SYT1: variants seen among roughly 807,000 people sequenced by gnomAD.
SYT1 encodes synaptotagmin-1.
Under a neutral mutation model 44.8 loss-of-function variants are expected in SYT1, and 8 were observed. That is an observed-to-expected ratio of 0.18 (90% CI 0.10 to 0.32). The LOEUF (loss-of-function observed/expected upper bound fraction) is 0.32, where lower values mean the gene tolerates loss of function less well. SYT1 is among the 10% of genes least tolerant of loss of function. The pLI is 1.00. For synonymous variants in SYT1, 154 were observed against 188.8 expected, an observed-to-expected ratio of 0.82 and a Z score of 1.51; for missense variants, 286 against 509.3, an observed-to-expected ratio of 0.56 and a Z score of 4.22.
At chr12:79,101,613 T>A (rs890807270) in intron 3 of SYT1, among the ~76,000 whole-genome samples, 9 of 152,154 alleles carry the variant, frequency 5.9e-5, no homozygotes, top group African/African-American at 2.2e-4. Flanking sequence ...CAAGTTTGTG[T>A]TATATATAAA....
rs11112702 is a variant in SYT1 at position 79,084,582 on chromosome 12, A to G, written c.-18+37220A>G. Among the ~76,000 whole-genome samples the G allele has an allele frequency of 7.8e-3, 1,193 of 152,260 alleles. 6 individuals are homozygous for G. Among genetic ancestry groups the G allele is most frequent in the Non-Finnish European group, 0.011 (731 of 68,018 alleles). The stretch of plus-strand genomic sequence containing the variant: ...TATTCACACTGGACTTGCAGAGGAT[A>G]TGACAGCTTAAAAACATTTGAGAAC... On this transcript the variant is annotated intron_variant, in intron 3 of 10. Transcript: ENST00000261205.
chr12:79,001,450 C>T (rs920466386), intron 2 of SYT1, among the ~76,000 whole-genome samples: 1 of 152,038 alleles, frequency 6.6e-6, no homozygotes, highest in Non-Finnish European at 1.5e-5. Context: ...GTATAAAGAA[C>T]ACAGTTCAAA....
At chr12:79,031,548 A>T (rs10506805) in intron 2 of SYT1, among the ~76,000 whole-genome samples, 4,148 of 151,156 alleles carry the variant, frequency 0.027, 197 homozygotes, top group African/African-American at 0.094. Context: ...CTAAATCACC[A>T]AATCCATCCG....
intron 8 of SYT1, among the ~76,000 whole-genome samples, chr12:79,330,115 A>T (rs138133741): frequency 6.6e-6 from 1 of 152,260 alleles, no homozygotes; most frequent in African/African-American, 2.4e-5. Flanking sequence ...GGAAAATCAG[A>T]AGCTTGTGTT....
At chr12:78,983,854 G>A (rs990994655) in intron 2 of SYT1, among the ~76,000 whole-genome samples, 2 of 151,866 alleles carry the variant, frequency 1.3e-5, no homozygotes, top group Non-Finnish European at 2.9e-5. Flanking sequence ...CTATAACTTA[G>A]GGAACTTAAC....
At chr12:79,137,919 G>A (rs1869304461) in intron 3 of SYT1, among the ~76,000 whole-genome samples, 2 of 152,124 alleles carry the variant, frequency 1.3e-5, no homozygotes, top group African/African-American at 4.8e-5. Flanking sequence ...CTGTCATGTT[G>A]TTAGCAAATA....
intron 2 of SYT1, among the ~76,000 whole-genome samples, chr12:79,029,079 A>G (rs145861810): frequency 2.4e-4 from 36 of 151,348 alleles, no homozygotes; most frequent in African/African-American, 8.4e-4. Context: ...TTTGTTTTTG[A>G]AGTCCTACAT....
chr12:79,015,226 A>C (rs1474932922), intron 2 of SYT1, among the ~76,000 whole-genome samples: 2 of 152,072 alleles, frequency 1.3e-5, no homozygotes, highest in Admixed American at 6.6e-5. Context: ...ATAAAATAAA[A>C]AATAAAAAAA....
intron 1 of SYT1, among the ~76,000 whole-genome samples, chr12:78,956,779 T>C (rs1332173096): frequency 6.6e-6 from 1 of 152,106 alleles, no homozygotes; most frequent in South Asian, 2.1e-4. Flanking sequence ...ATAAGTTCTA[T>C]CAAGTTCAAG....
chr12:78,895,920 G>A (rs907074201), intron 1 of SYT1, among the ~76,000 whole-genome samples: 5 of 151,646 alleles, frequency 3.3e-5, no homozygotes, highest in East Asian at 3.9e-4. Flanking sequence ...TAAGAGAAAC[G>A]TAAGGACAGG....
intron 1 of SYT1, among the ~76,000 whole-genome samples, chr12:78,881,979 AT>A (rs11361669): frequency 0.72 from 108,889 of 151,346 alleles, 40,610 homozygotes; most frequent in African/African-American, 0.93. Context: ...AGCACCCTGT[AT>A]TTTTTTTATA....
At chr12:79,335,120 A>G (rs1048540061) in intron 8 of SYT1, among the ~76,000 whole-genome samples, 1 of 152,098 alleles carries the variant, frequency 6.6e-6, no homozygotes, top group African/African-American at 2.4e-5. Flanking sequence ...GCTTGTGCTT[A>G]ATAGTAAATT....
chr12:79,236,686 C>T (rs1245408374), intron 4 of SYT1, among the ~76,000 whole-genome samples: 3 of 152,090 alleles, frequency 2.0e-5, no homozygotes, highest in African/African-American at 7.2e-5. Context: ...GTTATATGCC[C>T]TACAAGGAGA....
chr12:79,251,982 T>TGCTAGATA (rs1877240516), intron 4 of SYT1, among the ~76,000 whole-genome samples: 1 of 149,822 alleles, frequency 6.7e-6, no homozygotes, highest in Non-Finnish European at 1.5e-5. Flanking sequence ...GATAGATGAT[T>TGCTAGATA]GATAGATAGA....
chr12:79,102,673 C>T lies in SYT1; in HGVS notation c.-18+55311C>T, dbSNP rs1878507957. On this transcript the variant is annotated intron_variant, in intron 3 of 10. Coordinates refer to ENST00000261205, the MANE Select transcript of SYT1 (RefSeq NM_005639.3). ...CAGTGCCTGGTACAAAGTAAATACTCAGCAAATACTGCGTGTGCAACTGTT... is the reference window on the plus strand; with the variant it reads ...CAGTGCCTGGTACAAAGTAAATACTTAGCAAATACTGCGTGTGCAACTGTT... Among the ~76,000 whole-genome samples, 3 of 152,168 alleles carry T rather than the reference C, an allele frequency of 2.0e-5. No homozygotes were observed. The South Asian group carries it at 6.2e-4, about 32-fold the overall frequency.
intron 6 of SYT1, among the ~76,000 whole-genome samples, chr12:79,294,797 C>T (rs1362187163): frequency 1.3e-5 from 2 of 151,720 alleles, no homozygotes; most frequent in African/African-American, 2.4e-5. Context: ...CTTTATAATC[C>T]GATGCCTATT....
chr12:79,178,524 T>G (rs1401174362), intron 3 of SYT1, among the ~76,000 whole-genome samples: 10 of 151,938 alleles, frequency 6.6e-5, no homozygotes. Flanking sequence ...TTGTTTTTTG[T>G]TTTGTTTTGT....
At chr12:78,996,184 T>C (rs1436100255) in intron 2 of SYT1, among the ~76,000 whole-genome samples, 2 of 152,214 alleles carry the variant, frequency 1.3e-5, no homozygotes, top group East Asian at 3.9e-4. Context: ...CTGAACTTTA[T>C]GCTTCGCTAC....
chr12:79,145,432 ATTCT>A (rs1265063773), intron 3 of SYT1, among the ~76,000 whole-genome samples: 30 of 152,132 alleles, frequency 2.0e-4, no homozygotes, highest in Admixed American at 5.2e-4. Context: ...TTTTTATCTG[ATTCT>A]TTCTATGACT....
Sources: allele counts gnomAD v4.1 joint callset (sites outside exome capture counted in the v4.1 genomes callset), GRCh38; gene constraint gnomAD v4.1.1; transcripts MANE v1.5; gene names NCBI Gene and HGNC (gene_info 2026-07-23, HGNC 2026-07-21).